Variants in SLC16A1 observed in about 807,000 individuals in gnomAD.
SLC16A1 encodes the protein monocarboxylate transporter 1.
Under a neutral mutation model 32.2 loss-of-function variants are expected in SLC16A1, and 11 were observed. That is an observed-to-expected ratio of 0.34 (90% CI 0.21 to 0.56). The LOEUF is 0.56. Ranked by LOEUF, SLC16A1 falls within the 20% of genes least tolerant of loss-of-function variation. SLC16A1 has a pLI of 0.87. For missense variants in SLC16A1, 435 were observed against 615.0 expected (o/e 0.71, Z 3.10); for synonymous variants, 231 against 226.8 (o/e 1.02, Z -0.17).
intron 1 of SLC16A1, among the ~76,000 whole-genome samples, chr1:112,930,276 G>C (rs1309501830): frequency 3.3e-5 from 5 of 152,090 alleles, no homozygotes; most frequent in Non-Finnish European, 7.4e-5. Flanking sequence ...AAATTGAATT[G>C]AATTACGGGA....
At chr1:112,938,940 G>T (rs1388391732) in intron 1 of SLC16A1, among the ~76,000 whole-genome samples, 1 of 151,230 alleles carries the variant, frequency 6.6e-6, no homozygotes, top group Non-Finnish European at 1.5e-5. Flanking sequence ...GCCCAGGCTG[G>T]AGTACAATGG....
At chr1:112,915,452 T>C (rs1011605623) in intron 4 of SLC16A1, among the ~76,000 whole-genome samples, 2 of 152,158 alleles carry the variant, frequency 1.3e-5, no homozygotes, top group African/African-American at 4.8e-5. Flanking sequence ...GAAATGAGGC[T>C]GGAAGGACAG....
At chr1:112,928,773 A>G (rs1235383322) in intron 2 of SLC16A1, among the ~76,000 whole-genome samples, 2 of 152,202 alleles carry the variant, frequency 1.3e-5, no homozygotes, top group Non-Finnish European at 2.9e-5. Context: ...TCAAGAGTCC[A>G]GCAGAGATCA....
At chr1:112,918,666 G>A (rs1029385825) in intron 3 of SLC16A1, among the ~76,000 whole-genome samples, 1 of 152,124 alleles carries the variant, frequency 6.6e-6, no homozygotes, top group Non-Finnish European at 1.5e-5. Flanking sequence ...AGTCAGGTAT[G>A]GTAGTGTGTG....
chr1:112,952,363 T>A (rs1236021993), intron 1 of SLC16A1, among the ~76,000 whole-genome samples: 2 of 152,090 alleles, frequency 1.3e-5, no homozygotes, highest in Non-Finnish European at 2.9e-5. Context: ...GAAAATACAT[T>A]ACGAGGAAAA....
intron 1 of SLC16A1, among the ~76,000 whole-genome samples, chr1:112,935,391 C>T (rs551562227): frequency 2.0e-5 from 3 of 151,906 alleles, no homozygotes; most frequent in South Asian, 2.1e-4. Flanking sequence ...CCTGGTGACA[C>T]GGCAAGACTC....
At chr1:112,944,994 CTTTTT>C (rs151186476) in intron 1 of SLC16A1, among the ~76,000 whole-genome samples, 1 of 123,306 alleles carries the variant, frequency 8.1e-6, no homozygotes, top group Non-Finnish European at 1.7e-5. Context: ...CACCCAGCCT[CTTTTT>C]TTTTTTTTTT....
At chr1:112,941,935 T>C (rs1352451731) in intron 1 of SLC16A1, among the ~76,000 whole-genome samples, 2 of 152,064 alleles carry the variant, frequency 1.3e-5, no homozygotes, top group Non-Finnish European at 2.9e-5. Context: ...TTCCAGCCTT[T>C]CTGACACCTC....
chr1:112,933,455 CAAAAAA>C (rs55668332), intron 1 of SLC16A1, among the ~76,000 whole-genome samples: 1 of 83,756 alleles, frequency 1.2e-5, no homozygotes, highest in African/African-American at 4.9e-5. Flanking sequence ...GACTGCGTCT[CAAAAAA>C]AAAAAAAAAA....
chr1:112,920,504 G>C (rs1299032286), intron 3 of SLC16A1, among the ~76,000 whole-genome samples: 1 of 152,192 alleles, frequency 6.6e-6, no homozygotes, highest in African/African-American at 2.4e-5. Context: ...TACTTGGGAG[G>C]CTGCGGCAGG....
In SLC16A1 at chr1:112,913,732, A is replaced by AC; in HGVS notation, c.*158_*159insG. 1 of 819,638 alleles carries AC rather than the reference A, an allele frequency of 1.2e-6. No individual in the cohort carries two copies. The highest frequency in any genetic ancestry group is 2.5e-5 in the East Asian group (1 of 40,728). 50.8% of individuals were successfully genotyped at this position (819,638 alleles called of 1,614,324 possible). A position where few individuals can be genotyped will look rare whatever the true frequency, so the allele number is the denominator to read the frequency against. On this transcript the variant is annotated 3_prime_UTR_variant, in exon 5 of 5. Coordinates refer to ENST00000369626, the MANE Select transcript of SLC16A1 (RefSeq NM_003051.4). ...CCCTCCTCAAATTCAGGCTATTGGT[A>AC]AGGAGTCAAACAAAAATCCCATCAA...
intron 2 of SLC16A1, among the ~76,000 whole-genome samples, chr1:112,925,276 AC>A (rs1413401638): frequency 1.3e-5 from 2 of 152,174 alleles, no homozygotes; most frequent in African/African-American, 4.8e-5. Context: ...CTCAAGTGAT[AC>A]TGCCACCACT....
In SLC16A1 at chr1:112,913,878, C is replaced by A. The variant is rs200899632; in HGVS notation, c.*13G>T. On this transcript the variant is annotated 3_prime_UTR_variant, in exon 5 of 5. Coordinates refer to ENST00000369626, the MANE Select transcript of SLC16A1 (RefSeq NM_003051.4). ...GTCATGAACTGCTCAATTTACCCTT[C>A]AGCCCCATGGATTCAGACTGGACTT... is the stretch of plus-strand genomic sequence containing the variant. 1.2e-6 allele frequency: 2 copies of A among 1,614,156 alleles called. No homozygotes were observed. The highest frequency in any genetic ancestry group is 8.5e-7 in the Non-Finnish European group (1 of 1,179,978).
intron 1 of SLC16A1, among the ~76,000 whole-genome samples, chr1:112,954,434 T>G (rs919919783): frequency 6.6e-6 from 1 of 152,228 alleles, no homozygotes; most frequent in Non-Finnish European, 1.5e-5. Flanking sequence ...AGTTTCCTTA[T>G]GTGTAAAACA....
At chr1:112,927,736 A>T (rs1274175375) in intron 2 of SLC16A1, among the ~76,000 whole-genome samples, 1 of 152,224 alleles carries the variant, frequency 6.6e-6, no homozygotes, top group Non-Finnish European at 1.5e-5. Flanking sequence ...CAAAGAAGGA[A>T]CTGTTTCCCC....
At chr1:112,934,547 C>T (rs2101638713) in intron 1 of SLC16A1, among the ~76,000 whole-genome samples, 1 of 152,244 alleles carries the variant, frequency 6.6e-6, no homozygotes, top group East Asian at 1.9e-4. Context: ...TAAAGCTGAT[C>T]AAAACCAAAA....
intron 1 of SLC16A1, among the ~76,000 whole-genome samples, chr1:112,941,157 A>G (rs1649493880): frequency 6.6e-6 from 1 of 152,204 alleles, no homozygotes; most frequent in Non-Finnish European, 1.5e-5. Flanking sequence ...ACCTTTGTAA[A>G]AAACCTGCAC....
chr1:112,928,318 C>G (rs1042881929), intron 2 of SLC16A1, among the ~76,000 whole-genome samples: 5 of 152,188 alleles, frequency 3.3e-5, no homozygotes, highest in African/African-American at 1.2e-4. Flanking sequence ...ATAAACTTCT[C>G]AAAGGAAGGG....
chr1:112,950,956 C>T (rs1268250484), intron 1 of SLC16A1, among the ~76,000 whole-genome samples: 5 of 151,992 alleles, frequency 3.3e-5, no homozygotes, highest in African/African-American at 7.3e-5. Flanking sequence ...ATGATGGTTT[C>T]ACTGTACTCC....
Sources: allele counts gnomAD v4.1 joint callset (sites outside exome capture counted in the v4.1 genomes callset), GRCh38; gene constraint gnomAD v4.1.1; transcripts MANE v1.5; gene names NCBI Gene and HGNC (gene_info 2026-07-23, HGNC 2026-07-21).